Variants in PABPC4L observed in about 807,000 individuals in gnomAD.
PABPC4L encodes poly(A) binding protein cytoplasmic 4 like.
For missense variants in PABPC4L, 452 were observed against 451.4 expected (o/e 1.00, Z -0.01); for synonymous variants, 169 against 164.1 (o/e 1.03, Z -0.23).
the PABPC4L span, among the ~76,000 whole-genome samples, chr4:134,136,541 C>T: frequency 6.6e-6 from 1 of 151,832 alleles, no homozygotes; most frequent in East Asian, 1.9e-4. Flanking sequence ...ATTTAACTTC[C>T]TTTACATTTG....
At chr4:134,119,631 A>G in the PABPC4L span, among the ~76,000 whole-genome samples, 2 of 151,806 alleles carry the variant, frequency 1.3e-5, no homozygotes, top group African/African-American at 4.8e-5. Context: ...TTACAAGTCA[A>G]TACATCTTAC....
the PABPC4L span, among the ~76,000 whole-genome samples, chr4:134,095,636 T>C: frequency 2.0e-5 from 3 of 152,018 alleles, no homozygotes; most frequent in African/African-American, 7.2e-5. Flanking sequence ...ATCATCTTGG[T>C]AAATTTTCAC....
At chr4:134,135,562 G>T in the PABPC4L span, among the ~76,000 whole-genome samples, 1 of 152,040 alleles carries the variant, frequency 6.6e-6, no homozygotes, top group Non-Finnish European at 1.5e-5. Flanking sequence ...AGCCGGTATG[G>T]TGGCTCATGA....
the PABPC4L span, among the ~76,000 whole-genome samples, chr4:134,118,209 T>C: frequency 6.6e-6 from 1 of 151,794 alleles, no homozygotes; most frequent in South Asian, 2.1e-4. Context: ...TATTCATAAG[T>C]AGGTTAAAAT....
chr4:134,025,112 T>C, the PABPC4L span, among the ~76,000 whole-genome samples: 2 of 150,282 alleles, frequency 1.3e-5, no homozygotes, highest in Non-Finnish European at 3.0e-5. Context: ...GGGTAGATCA[T>C]TTGAGGTCAA....
At chr4:134,120,403 T>A in the PABPC4L span, among the ~76,000 whole-genome samples, 1 of 149,596 alleles carries the variant, frequency 6.7e-6, no homozygotes, top group Non-Finnish European at 1.5e-5. Flanking sequence ...CCAAAAATAT[T>A]ATTGCTAATA....
the PABPC4L span, among the ~76,000 whole-genome samples, chr4:134,157,268 T>C: frequency 6.6e-6 from 1 of 151,218 alleles, no homozygotes; most frequent in Non-Finnish European, 1.5e-5. Flanking sequence ...GCTCTTAGTT[T>C]TTTTTTTTTT....
the PABPC4L span, among the ~76,000 whole-genome samples, chr4:134,146,028 T>C: frequency 0.022 from 3,410 of 152,078 alleles, 125 homozygotes; most frequent in African/African-American, 0.077. Flanking sequence ...TTTTATAAGA[T>C]ATTAATATAT....
chr4:133,949,353 G>A, the PABPC4L span, among the ~76,000 whole-genome samples: 1 of 152,010 alleles, frequency 6.6e-6, no homozygotes, highest in Non-Finnish European at 1.5e-5. Flanking sequence ...AGGGGTGGAG[G>A]CCCTAGTTAT....
At chr4:134,119,761 TG>T in the PABPC4L span, among the ~76,000 whole-genome samples, 1 of 151,708 alleles carries the variant, frequency 6.6e-6, no homozygotes. Context: ...CTCTGACTTC[TG>T]TCTCCAGAGA....
chr4:134,143,099 C>T, the PABPC4L span, among the ~76,000 whole-genome samples: 5 of 151,152 alleles, frequency 3.3e-5, no homozygotes, highest in Admixed American at 2.7e-4. Context: ...ACTATACACA[C>T]GAATGAATGA....
At chr4:134,010,840 A>G in the PABPC4L span, 1 of 152,194 alleles carries the variant, frequency 6.6e-6, no homozygotes, top group African/African-American at 2.4e-5. Flanking sequence ...CCCATGATGA[A>G]AAAGTGGGGT....
chr4:133,958,812 T>C, the PABPC4L span, among the ~76,000 whole-genome samples: 7 of 152,154 alleles, frequency 4.6e-5, no homozygotes, highest in African/African-American at 1.7e-4. Context: ...TAAGATTCAA[T>C]TACCTCCCAC....
chr4:133,979,222 T>A, the PABPC4L span, among the ~76,000 whole-genome samples: 2 of 152,142 alleles, frequency 1.3e-5, no homozygotes, highest in Non-Finnish European at 2.9e-5. Flanking sequence ...AGAACAAAAA[T>A]TTCTAAGTCT....
chr4:134,199,978 CT>C lies in PABPC4L; in HGVS notation c.1041del (p.Ala348GlnfsTer2). ...ICFSSPEDAT[K>X]AMTEMNGRIL... The stretch of plus-strand genomic sequence containing the variant: ...ATGCGGCCATTCATCTCAGTCATTG[CT>C]TTAGTAGCATCCTCAGGAGAGGAGA... On this transcript the variant is annotated frameshift_variant, in exon 2 of 2. Transcript: ENST00000421491. LOFTEE classifies it high-confidence loss of function. 1 of 1,551,624 alleles carries C rather than the reference CT, an allele frequency of 6.4e-7. No individual in the cohort carries two copies. Among genetic ancestry groups the C allele is most frequent in the Non-Finnish European group, 8.7e-7 (1 of 1,146,950 alleles).
At chr4:133,978,989 T>C in the PABPC4L span, 1 of 152,174 alleles carries the variant, frequency 6.6e-6, no homozygotes, top group Admixed American at 6.5e-5. Context: ...GCAATTATAG[T>C]AGCAACAAAA....
chr4:133,974,277 G>A, the PABPC4L span, among the ~76,000 whole-genome samples: 1 of 152,042 alleles, frequency 6.6e-6, no homozygotes, highest in Non-Finnish European at 1.5e-5. Context: ...TCAACACTTG[G>A]TGCTGGAACA....
chr4:134,014,028 A>C, the PABPC4L span, among the ~76,000 whole-genome samples: 1 of 151,992 alleles, frequency 6.6e-6, no homozygotes, highest in Non-Finnish European at 1.5e-5. Context: ...CTTTTTCTTT[A>C]TCTCAAATCA....
At chr4:133,985,735 C>T in the PABPC4L span, among the ~76,000 whole-genome samples, 3 of 151,908 alleles carry the variant, frequency 2.0e-5, no homozygotes, top group Non-Finnish European at 2.9e-5. Context: ...TTTGTTTTGT[C>T]ATCTCTATTT....
Sources: gnomAD v4.1 joint callset for allele counts (sites outside exome capture counted in the v4.1 genomes callset) on GRCh38, gnomAD v4.1.1 for gene constraint, MANE v1.5 for transcripts, NCBI Gene and HGNC (gene_info 2026-07-23, HGNC 2026-07-21) for gene names.